The following ARPP21 variants were observed in gnomAD, a reference collection of about 807,000 sequenced individuals.
ARPP21 encodes cAMP regulated phosphoprotein 21.
Under a neutral mutation model 113.2 loss-of-function variants are expected in ARPP21, and 69 were observed. That is an observed-to-expected ratio of 0.61 (90% CI 0.50 to 0.74). The LOEUF is 0.74. Among genes scored for constraint, ARPP21 ranks in the 30% least tolerant of loss-of-function variants. The pLI is 0.00. For missense variants in ARPP21, 1,070 were observed against 1,037.4 expected, an observed-to-expected ratio of 1.03 and a Z score of -0.43; for synonymous variants, 368 against 375.5, an observed-to-expected ratio of 0.98 and a Z score of 0.23.
chr3:35,786,746 C>T (rs1175199033), intron 19 of ARPP21, among the ~76,000 whole-genome samples: 1 of 152,006 alleles, frequency 6.6e-6, no homozygotes, highest in Non-Finnish European at 1.5e-5. Context: ...AAAATCGATG[C>T]CTTCCTTGTG....
intron 1 of ARPP21, among the ~76,000 whole-genome samples, chr3:35,675,979 A>G (rs1210061221): frequency 6.6e-6 from 1 of 151,800 alleles, no homozygotes; most frequent in African/African-American, 2.4e-5. Context: ...TTATAGTATC[A>G]TTTTCTGCCT....
At chr3:35,684,479 T>G in intron 5 of ARPP21, 1 of 984,342 alleles carries the variant, frequency 1.0e-6, no homozygotes, top group Non-Finnish European at 1.2e-6. Context: ...CATGACAAAA[T>G]GGGAAACTTC....
At chr3:35,660,814 G>GT (rs535695901) in intron 1 of ARPP21, among the ~76,000 whole-genome samples, 46 of 152,100 alleles carry the variant, frequency 3.0e-4, no homozygotes, top group Admixed American at 7.2e-4. Context: ...ATAGTTGTGG[G>GT]TTTTTTTCCC....
intron 1 of ARPP21, among the ~76,000 whole-genome samples, chr3:35,672,314 A>G (rs1242914980): frequency 6.6e-6 from 1 of 152,068 alleles, no homozygotes; most frequent in Admixed American, 6.6e-5. Context: ...GAATGGATAG[A>G]CCCACTATCA....
chr3:35,708,321 T>C (rs929287120), intron 10 of ARPP21, among the ~76,000 whole-genome samples: 1 of 152,196 alleles, frequency 6.6e-6, no homozygotes, highest in African/African-American at 2.4e-5. Flanking sequence ...CTTTGAAGCA[T>C]TACTTTAGAG....
intron 13 of ARPP21, among the ~76,000 whole-genome samples, chr3:35,718,592 A>G (rs1415851359): frequency 6.6e-6 from 1 of 152,146 alleles, no homozygotes; most frequent in Non-Finnish European, 1.5e-5. Context: ...TATGGATTTC[A>G]TCACCCACCC....
intron 9 of ARPP21, 100 bp downstream of exon 9, chr3:35,691,105 G>A (rs1259755070): frequency 7.9e-7 from 1 of 1,266,814 alleles, no homozygotes; most frequent in Non-Finnish European, 1.1e-6. Flanking sequence ...CATTTAAAAT[G>A]TGCAGTGTTA....
At chr3:35,707,406 A>G (rs1001096291) in intron 10 of ARPP21, 1 of 518,938 alleles carries the variant, frequency 1.9e-6, no homozygotes, top group Non-Finnish European at 3.7e-6. Flanking sequence ...TCAGTCGCAT[A>G]TCCAGATGTC....
intron 1 of ARPP21, among the ~76,000 whole-genome samples, chr3:35,659,097 A>C (rs1706424015): frequency 6.6e-6 from 1 of 152,194 alleles, no homozygotes; most frequent in South Asian, 2.1e-4. Context: ...TTTGATAATC[A>C]AGACATGAGC....
chr3:35,762,571 G>A (rs2095822219), intron 19 of ARPP21, among the ~76,000 whole-genome samples: 1 of 152,022 alleles, frequency 6.6e-6, no homozygotes, highest in Admixed American at 6.6e-5. Context: ...GCTGGGAAAG[G>A]AAAACATTCG....
chr3:35,791,928 C>T (rs778559899), intron 19 of ARPP21, among the ~76,000 whole-genome samples: 2 of 152,156 alleles, frequency 1.3e-5, no homozygotes, highest in Non-Finnish European at 2.9e-5. Flanking sequence ...GTTTGGTGGT[C>T]TCTATGTGTG....
At chr3:35,642,894 C>T (rs1698657059) in intron 1 of ARPP21, among the ~76,000 whole-genome samples, 1 of 152,010 alleles carries the variant, frequency 6.6e-6, no homozygotes, top group Admixed American at 6.6e-5. Flanking sequence ...TGTTTTCTCT[C>T]CTTAGAATTA....
chr3:35,729,163 G>C lies in ARPP21; in HGVS notation c.1226-140G>C, dbSNP rs1183066528. On this transcript the variant is annotated intron_variant, in intron 14 of 20. Transcript: ENST00000684406. ...AATATGAGGCCAAAATATGAGAGGG[G>C]CATTAGTTAATCTCATCCTACAGCA... The C allele has an allele frequency of 6.7e-6, 4 of 599,114 alleles. No individual in the cohort carries two copies. The African/African-American group carries it at 7.4e-5, about 11-fold the overall frequency. 37.1% of individuals were successfully genotyped at this position (599,114 alleles called of 1,614,324 possible). A position where few individuals can be genotyped will look rare whatever the true frequency, so the allele number is the denominator to read the frequency against.
intron 20 of ARPP21, among the ~76,000 whole-genome samples, chr3:35,793,163 C>T (rs1477072501): frequency 6.6e-6 from 1 of 152,218 alleles, no homozygotes; most frequent in African/African-American, 2.4e-5. Flanking sequence ...CCCTACCCTA[C>T]TATTCTGATT....
At chr3:35,758,612 C>T (rs1210496838) in intron 19 of ARPP21, among the ~76,000 whole-genome samples, 1 of 151,914 alleles carries the variant, frequency 6.6e-6, no homozygotes, top group Admixed American at 6.6e-5. Flanking sequence ...ATATTTGCTC[C>T]CTAACTCCTT....
At chr3:35,660,400 A>T (rs1707152237) in intron 1 of ARPP21, among the ~76,000 whole-genome samples, 2 of 152,098 alleles carry the variant, frequency 1.3e-5, no homozygotes, top group South Asian at 4.1e-4. Context: ...TCCAGATGTG[A>T]GCAGGCCAAA....
At chr3:35,644,964 G>T (rs577062798) in intron 1 of ARPP21, among the ~76,000 whole-genome samples, 4 of 151,978 alleles carry the variant, frequency 2.6e-5, no homozygotes, top group Non-Finnish European at 5.9e-5. Flanking sequence ...GTAATAAACT[G>T]ATATATATTA....
At chr3:35,755,641 G>A (rs1212038444) in intron 19 of ARPP21, among the ~76,000 whole-genome samples, 1 of 152,070 alleles carries the variant, frequency 6.6e-6, no homozygotes, top group Non-Finnish European at 1.5e-5. Context: ...ACCACAAAGA[G>A]TACCATGCTA....
chr3:35,643,856 T>A (rs1029864431), intron 1 of ARPP21: 1 of 152,068 alleles, frequency 6.6e-6, no homozygotes, highest in Non-Finnish European at 1.5e-5. Flanking sequence ...TGGTATCACA[T>A]GGTAGTAGCC....
Sources: allele counts gnomAD v4.1 joint callset (sites outside exome capture counted in the v4.1 genomes callset), GRCh38; gene constraint gnomAD v4.1.1; transcripts MANE v1.5; gene names NCBI Gene and HGNC (gene_info 2026-07-23, HGNC 2026-07-21).